FNDC7: variants seen among roughly 807,000 people sequenced by gnomAD.
FNDC7 encodes the protein fibronectin type III domain-containing protein 7.
FNDC7 carries 66 observed loss-of-function variants against 74.2 expected under a neutral mutation model. The ratio of observed to expected loss-of-function variants is 0.89; its 90% CI spans 0.73 to 1.09. FNDC7 has a LOEUF of 1.09. Ranked by LOEUF, FNDC7 falls within the 50% of genes least tolerant of loss-of-function variation. The pLI is 0.00. For missense variants in FNDC7, 829 were observed against 893.4 expected, an observed-to-expected ratio of 0.93 and a Z score of 0.92; for synonymous variants, 307 against 330.2, an observed-to-expected ratio of 0.93 and a Z score of 0.76.
At chr1:108,722,043 A>G (rs1000078062) in intron 4 of FNDC7, among the ~76,000 whole-genome samples, 45 of 152,324 alleles carry the variant, frequency 3.0e-4, no homozygotes, top group African/African-American at 1.0e-3. Flanking sequence ...TTTGGCACCT[A>G]TAGGTGTTAG....
chr1:108,727,206 T>C (rs1282281322), intron 6 of FNDC7, among the ~76,000 whole-genome samples: 1 of 152,116 alleles, frequency 6.6e-6, no homozygotes, highest in African/African-American at 2.4e-5. Flanking sequence ...GTGCCTGTAA[T>C]TCCAGCTACT....
intron 2 of FNDC7, 97 bp downstream of exon 2, chr1:108,713,626 GA>G (rs993584376): frequency 1.4e-4 from 158 of 1,105,196 alleles, no homozygotes; most frequent in Middle Eastern, 7.2e-4. Flanking sequence ...GGCTATATGA[GA>G]AAAAAAAATT....
intron 5 of FNDC7, among the ~76,000 whole-genome samples, chr1:108,725,548 G>T (rs2101082131): frequency 6.6e-6 from 1 of 152,294 alleles, no homozygotes; most frequent in South Asian, 2.1e-4. Context: ...GTAGTGGTTT[G>T]GGGCCTGTAA....
rs1344673622 is a variant in FNDC7, at chr1:108,730,628, T to A, written c.1625-46T>A. ...CTTTATCATTTTTCACAAATAATCT[T>A]CAGTGGAAATAAATCTCCAATTCTT... On this transcript the variant is annotated intron_variant, in intron 8 of 12. Transcript: ENST00000370017. 2.0e-6 allele frequency: 3 copies of A among 1,491,670 alleles called. No individual in the cohort carries two copies. The East Asian group carries it at 7.1e-5, about 35-fold the overall frequency. The allele number at this position is 1,491,670 out of a possible 1,614,324, so 92.4% of individuals were successfully genotyped here.
At chr1:108,714,355 C>CATGCAT (rs1660929995) in intron 2 of FNDC7, among the ~76,000 whole-genome samples, 1 of 152,102 alleles carries the variant, frequency 6.6e-6, no homozygotes, top group Admixed American at 6.5e-5. Flanking sequence ...TCATAAAATT[C>CATGCAT]ATGCATATAC....
In FNDC7 at chr1:108,733,395, T is replaced by A. The variant is rs112127127; in HGVS notation, c.2003T>A (p.Phe668Tyr). 2.4e-4 allele frequency: 390 copies of A among 1,614,206 alleles called. 1 individual carries two copies. The African/African-American group carries it at 4.5e-3, about 19-fold the overall frequency. ...STDLYGSKGI[F>Y]TCTPSAGLSF... is the part of the protein sequence containing the mutation. ...GACCTCTATGGCTCCAAAGGCATTT[T>A]CACGTGCACCCCGAGTGCTGGCCTC... The change falls in exon 10 of 13, where the codon TTC (phenylalanine) becomes TAC (tyrosine). Residue 668 changes from phenylalanine to tyrosine, a missense_variant. Transcript: ENST00000370017.
At chr1:108,725,645 A>T in intron 5 of FNDC7, 105 bp from the exon 6 acceptor site, 1 of 1,228,810 alleles carries the variant, frequency 8.1e-7, no homozygotes, top group Non-Finnish European at 1.1e-6. Context: ...TCTGTCACAA[A>T]GCTCAGAGTT....
At chr1:108,722,622 G>T (rs1336227462) in intron 5 of FNDC7, 30 bp downstream of exon 5, 1 of 1,590,430 alleles carries the variant, frequency 6.3e-7, no homozygotes, top group African/African-American at 1.3e-5. Flanking sequence ...ACTGCTGTCG[G>T]GCTTGCAGCC....
intron 8 of FNDC7, among the ~76,000 whole-genome samples, chr1:108,730,195 G>A (rs1260142437): frequency 1.3e-5 from 2 of 152,036 alleles, no homozygotes; most frequent in Non-Finnish European, 2.9e-5. Flanking sequence ...TGGCCAACAT[G>A]GTGAAACCCC....
intron 10 of FNDC7, among the ~76,000 whole-genome samples, chr1:108,736,892 T>C (rs1200010059): frequency 6.6e-6 from 1 of 151,958 alleles, no homozygotes; most frequent in African/African-American, 2.4e-5. Context: ...GAATGCCATG[T>C]GCCAGGCACT....
intron 5 of FNDC7, among the ~76,000 whole-genome samples, chr1:108,724,648 C>T (rs954150915): frequency 9.3e-5 from 14 of 151,274 alleles, no homozygotes; most frequent in African/African-American, 1.9e-4. Flanking sequence ...CAGCTACTCA[C>T]GAGGCTGAGG....
In FNDC7 at chr1:108,728,047, C is replaced by G. The variant is rs1404182781; in HGVS notation, c.1351C>G (p.Pro451Ala). The change falls in exon 7 of 13, where the codon CCC (proline) becomes GCC (alanine). Residue 451 changes from proline to alanine, a missense_variant. By Grantham distance (27) the Pro-to-Ala change is conservative. Coordinates refer to ENST00000370017, the MANE Select transcript of FNDC7 (RefSeq NM_001144937.3). ...CCGAGGCAGCAATATGTCATGTACT[C>G]CCCAGTTCATAACCACAGGTAAGGC... Reference protein sequence around the residue: ...EVRGSNMSCTPQFITTAPCSP... With the variant: ...EVRGSNMSCTAQFITTAPCSP... The G allele has an allele frequency of 3.7e-6, 6 of 1,613,812 alleles. No homozygotes were observed. In the African/African-American group the frequency reaches 8.0e-5, roughly 22 times the overall value.
intron 5 of FNDC7, among the ~76,000 whole-genome samples, chr1:108,724,725 G>A (rs186276199): frequency 1.3e-5 from 2 of 151,528 alleles, no homozygotes; most frequent in Non-Finnish European, 2.9e-5. Context: ...CTGCACTCCA[G>A]CCTGGGTGAC....
rs569558575 is a variant in FNDC7 at position 108,741,408 on chromosome 1, C to G, written c.2171-365C>G. On this transcript the variant is annotated intron_variant, in intron 11 of 12. Transcript: ENST00000370017. ...CTCTGTGACATACTTAGCAGCTAAA[C>G]AGGTTTATGTTTTCCATATAAAACT... is the stretch of plus-strand genomic sequence containing the variant. 3.3e-5 allele frequency among the ~76,000 whole-genome samples: 5 copies of G among 152,222 alleles called. No homozygotes were observed. In the South Asian group the frequency reaches 1.0e-3, roughly 32 times the overall value.
intron 8 of FNDC7, among the ~76,000 whole-genome samples, chr1:108,729,567 T>C (rs992072106): frequency 3.9e-5 from 6 of 151,948 alleles, no homozygotes; most frequent in Non-Finnish European, 7.4e-5. Flanking sequence ...AAAAAAATGC[T>C]TTCTGACTTT....
Position 108,722,471 on chromosome 1 carries a change from T to TACAACTTTCAGTTCCTGCACC in FNDC7, c.737_757dup (p.Thr246_Thr252dup). On this transcript the variant is annotated inframe_insertion, in exon 5 of 13. Transcript: ENST00000370017. The stretch of plus-strand genomic sequence containing the variant: ...GCGACTCTTCAGAGCTGACCTGCAG[T>TACAACTTTCAGTTCCTGCACC]ACAACTTTCAGTTCCTGCACCATCT... The TACAACTTTCAGTTCCTGCACC allele has an allele frequency of 6.2e-7, 1 of 1,614,252 alleles. No homozygotes were observed. Among genetic ancestry groups the TACAACTTTCAGTTCCTGCACC allele is most frequent in the Non-Finnish European group, 8.5e-7 (1 of 1,180,042 alleles).
intron 2 of FNDC7, 25 bp from the exon 3 acceptor site, chr1:108,717,752 T>C: frequency 2.6e-6 from 4 of 1,548,512 alleles, no homozygotes; most frequent in Non-Finnish European, 3.5e-6. Context: ...TCTTGGCTAA[T>C]GTACAACTCT....
At chr1:108,738,682 C>A (rs1262650490) in intron 11 of FNDC7, among the ~76,000 whole-genome samples, 1 of 151,994 alleles carries the variant, frequency 6.6e-6, no homozygotes, top group Non-Finnish European at 1.5e-5. Context: ...CTGGCAGGAA[C>A]TGGGTCTAGA....
intron 5 of FNDC7, among the ~76,000 whole-genome samples, chr1:108,724,765 A>T (rs1004926648): frequency 6.7e-6 from 1 of 150,050 alleles, no homozygotes; most frequent in Non-Finnish European, 1.5e-5. Context: ...AAAAAAAAAA[A>T]ATTAATTAAT....
Sources: gnomAD v4.1 joint callset for allele counts (sites outside exome capture counted in the v4.1 genomes callset) on GRCh38, gnomAD v4.1.1 for gene constraint, MANE v1.5 for transcripts, NCBI Gene and HGNC (gene_info 2026-07-23, HGNC 2026-07-21) for gene names.